AFF3: variants seen among roughly 807,000 people sequenced by gnomAD.
AFF3 encodes AF4/FMR2 family member 3.
In AFF3, 32 loss-of-function variants were observed where a neutral mutation model predicts 129.7. The observed-to-expected ratio is 0.25, with a 90% CI of 0.19 to 0.33. The LOEUF (loss-of-function observed/expected upper bound fraction) is 0.33, where lower values mean the gene tolerates loss of function less well. Among genes scored for constraint, AFF3 ranks in the 10% least tolerant of loss-of-function variants. AFF3 has a pLI of 1.00. For synonymous variants in AFF3, 644 were observed against 635.4 expected, an observed-to-expected ratio of 1.01 and a Z score of -0.20; for missense variants, 1,373 against 1,592.0, an observed-to-expected ratio of 0.86 and a Z score of 2.34.
chr2:99,899,503 C>A (rs1271049526), intron 7 of AFF3, among the ~76,000 whole-genome samples: 1 of 152,112 alleles, frequency 6.6e-6, no homozygotes, highest in Non-Finnish European at 1.5e-5. Flanking sequence ...TGGGGTCAAT[C>A]GATCCATTTA....
At chr2:99,996,104 G>A (rs1034090935) in intron 7 of AFF3, among the ~76,000 whole-genome samples, 2 of 152,024 alleles carry the variant, frequency 1.3e-5, no homozygotes, top group African/African-American at 2.4e-5. Flanking sequence ...CCAACAAAAG[G>A]ATTATACAAA....
rs535479520 is a variant in AFF3 at position 99,754,876 on chromosome 2, T to C, written c.922-2575A>G. On this transcript the variant is annotated intron_variant, in intron 8 of 24. Coordinates refer to ENST00000672756, the MANE Select transcript of AFF3 (RefSeq NM_001386135.1). Reference sequence around the variant, plus strand: ...TGGCAGGCACTGTAACTGTGTCTTATGTACACGAAGTGCTCAGTTCAGCAT... The same window carrying C: ...TGGCAGGCACTGTAACTGTGTCTTACGTACACGAAGTGCTCAGTTCAGCAT... 6.6e-5 allele frequency among the ~76,000 whole-genome samples: 10 copies of C among 152,342 alleles called. No individual in the cohort carries two copies. The East Asian group carries it at 1.7e-3, about 26-fold the overall frequency.
chr2:100,125,871 CA>C (rs972591282), intron 2 of AFF3, among the ~76,000 whole-genome samples: 2 of 152,072 alleles, frequency 1.3e-5, no homozygotes, highest in Admixed American at 1.3e-4. Context: ...GGGAGGTAGG[CA>C]GGGGCCAGGT....
In AFF3 at chr2:99,834,059, T is replaced by C. The variant is rs551428727; in HGVS notation, c.921+3418A>G. Among the ~76,000 whole-genome samples, 9 of 152,328 alleles carry C rather than the reference T, an allele frequency of 5.9e-5. No individual in the cohort carries two copies. The South Asian group carries it at 1.9e-3, about 32-fold the overall frequency. On this transcript the variant is annotated intron_variant, in intron 8 of 24. Coordinates refer to ENST00000672756, the MANE Select transcript of AFF3 (RefSeq NM_001386135.1). ...AAGATGAGGTTGATAACACTGGCTA[T>C]AAAACCTCTGAATTTAAGTGCATAA...
chr2:99,948,401 C>G (rs1675837403), intron 7 of AFF3, among the ~76,000 whole-genome samples: 1 of 152,154 alleles, frequency 6.6e-6, no homozygotes, highest in South Asian at 2.1e-4. Flanking sequence ...TCTCCCTGCC[C>G]CATTACACGT....
intron 7 of AFF3, among the ~76,000 whole-genome samples, chr2:99,927,525 G>C (rs1350324195): frequency 6.6e-6 from 1 of 152,060 alleles, no homozygotes; most frequent in African/African-American, 2.4e-5. Flanking sequence ...GGAGCTAAAT[G>C]ATGAGAACAC....
intron 8 of AFF3, among the ~76,000 whole-genome samples, chr2:99,805,712 T>C (rs1365045545): frequency 6.6e-6 from 1 of 152,084 alleles, no homozygotes; most frequent in Admixed American, 6.6e-5. Flanking sequence ...ATAACACTTA[T>C]CCTATTGCTT....
In AFF3 at chr2:99,594,168, T is replaced by C. The variant is rs748406318; in HGVS notation, c.1493A>G (p.Asn498Ser). The C allele has an allele frequency of 6.2e-7, 1 of 1,614,082 alleles. No homozygotes were observed. The highest frequency in any genetic ancestry group is 8.5e-7 in the Non-Finnish European group (1 of 1,180,012). ...GTCCTGGACGTCCTCTTTCACCGGG[T>C]TGTAGTACTGATTGCTCTCTGACCC... Reference protein sequence around the residue: ...SHGSESNQYYNPVKEDVQDCG... With the variant: ...SHGSESNQYYSPVKEDVQDCG... The change falls in exon 15 of 25, where the codon AAC becomes AGC. Residue 498 changes from asparagine to serine, a missense_variant. By Grantham distance (46) the Asn-to-Ser change is conservative. This residue lies in a region of AFF3 where 413 missense variants were observed against 424.4 expected (regional missense o/e 0.97). Coordinates refer to ENST00000672756, the MANE Select transcript of AFF3 (RefSeq NM_001386135.1).
rs1156383162 is a variant in AFF3, at chr2:99,582,996, C to T, written c.2595G>A (p.Val865=). The T allele has an allele frequency of 1.2e-6, 2 of 1,613,770 alleles. No homozygotes were observed. Among genetic ancestry groups the T allele is most frequent in the South Asian group, 1.1e-5 (1 of 91,062 alleles). The change falls in exon 17 of 25, where the codon GTG becomes GTA. Residue 865 remains valine, a synonymous_variant. Coordinates refer to ENST00000672756, the MANE Select transcript of AFF3 (RefSeq NM_001386135.1). ...TTTCATTTTTATTTATTGGTATTGC[C>T]ACACTGAAAAAGGAAATTACGGTAA... is the stretch of plus-strand genomic sequence containing the variant. ...ANHCNMNINS[V]AIPINKNEKM...
intron 12 of AFF3, among the ~76,000 whole-genome samples, chr2:99,650,689 G>A (rs1447299911): frequency 1.3e-5 from 2 of 152,006 alleles, no homozygotes; most frequent in African/African-American, 4.8e-5. Flanking sequence ...GCACAGGGCA[G>A]GTTCTTATAT....
intron 7 of AFF3, among the ~76,000 whole-genome samples, chr2:100,002,302 A>C (rs1289268729): frequency 6.6e-6 from 1 of 152,224 alleles, no homozygotes; most frequent in Non-Finnish European, 1.5e-5. Context: ...GGTAACCAAG[A>C]GTGACAGGAA....
At chr2:99,764,907 C>CT (rs201980692) in intron 8 of AFF3, among the ~76,000 whole-genome samples, 61 of 151,678 alleles carry the variant, frequency 4.0e-4, no homozygotes, top group African/African-American at 1.3e-3. Context: ...TTTAAAAATG[C>CT]TTTTTTTGAC....
At chr2:99,958,683 A>C (rs1446322368) in intron 7 of AFF3, among the ~76,000 whole-genome samples, 1 of 152,096 alleles carries the variant, frequency 6.6e-6, no homozygotes, top group Admixed American at 6.5e-5. Context: ...CAAGTCACAA[A>C]CACAAAACAG....
At chr2:99,634,961 T>TCATA (rs1553411928) in intron 13 of AFF3, among the ~76,000 whole-genome samples, 1 of 54,462 alleles carries the variant, frequency 1.8e-5, no homozygotes, top group Non-Finnish European at 3.9e-5. Context: ...CTGGATTCTG[T>TCATA]CATACACACA....
chr2:100,022,445 C>T (rs1019082144), intron 4 of AFF3, among the ~76,000 whole-genome samples: 4 of 152,122 alleles, frequency 2.6e-5, no homozygotes, highest in Non-Finnish European at 5.9e-5. Context: ...GAGTCTCACT[C>T]TATCCCCCCG....
chr2:100,106,361 A>G, intron 2 of AFF3: 5 of 1,139,280 alleles, frequency 4.4e-6, no homozygotes, highest in Non-Finnish European at 5.4e-6. Flanking sequence ...AAACATAGAG[A>G]ATATGAATAT....
At chr2:99,815,734 T>C (rs2105629651) in intron 8 of AFF3, among the ~76,000 whole-genome samples, 1 of 152,086 alleles carries the variant, frequency 6.6e-6, no homozygotes, top group Non-Finnish European at 1.5e-5. Flanking sequence ...TTTCAGCATG[T>C]TAAAGATGTC....
At chr2:99,645,296 C>G (rs1386538029) in intron 13 of AFF3, among the ~76,000 whole-genome samples, 2 of 152,122 alleles carry the variant, frequency 1.3e-5, no homozygotes, top group South Asian at 4.1e-4. Context: ...CCACTGCACT[C>G]CAGCCTGGGT....
At chr2:99,751,596 G>C (rs1416805601) in intron 9 of AFF3, among the ~76,000 whole-genome samples, 2 of 152,066 alleles carry the variant, frequency 1.3e-5, no homozygotes. Context: ...GGAGTGCCAG[G>C]GATGTTGAGA....
Sources: gnomAD v4.1 joint callset for allele counts (sites outside exome capture counted in the v4.1 genomes callset) on GRCh38, gnomAD v4.1.1 for gene constraint, gnomAD v4.1.1 regional missense constraint, MANE v1.5 for transcripts, NCBI Gene and HGNC (gene_info 2026-07-23, HGNC 2026-07-21) for gene names.